Variants in BASP1 observed in about 807,000 individuals in gnomAD.
BASP1 encodes brain abundant membrane attached signal protein 1.
In BASP1, 1 loss-of-function variant was observed where a neutral mutation model predicts 2.2. That is an observed-to-expected ratio of 0.46 (90% CI 0.16 to 2.17). BASP1 has a LOEUF of 2.17. BASP1 is among the 30% of genes most tolerant of loss of function. The pLI, the probability that BASP1 is intolerant of heterozygous loss-of-function variation, is 0.27. For missense variants in BASP1, 352 were observed against 327.2 expected (o/e 1.08, Z -0.58); for synonymous variants, 187 against 154.2 (o/e 1.21, Z -1.58).
At chr5:17,248,534 G>A (rs10068662) in intron 1 of BASP1, among the ~76,000 whole-genome samples, 1,857 of 152,136 alleles carry the variant, frequency 0.012, 42 homozygotes, top group African/African-American at 0.042. Flanking sequence ...CATGACTCTC[G>A]GGTATGCTGT....
chr5:17,224,622 T>A (rs1739458286), intron 1 of BASP1, among the ~76,000 whole-genome samples: 1 of 152,232 alleles, frequency 6.6e-6, no homozygotes, highest in Non-Finnish European at 1.5e-5. Flanking sequence ...TACGTTAAAT[T>A]GCTTGTAGAT....
At chr5:17,220,386 A>C (rs979407861) in intron 1 of BASP1, among the ~76,000 whole-genome samples, 4 of 152,170 alleles carry the variant, frequency 2.6e-5, no homozygotes, top group Non-Finnish European at 5.9e-5. Flanking sequence ...ATGTTGGAAT[A>C]TAGAACAAAT....
chr5:17,266,814 CAAAAAAAAAAAA>C (rs70943882), intron 1 of BASP1, among the ~76,000 whole-genome samples: 89 of 111,448 alleles, frequency 8.0e-4, no homozygotes, highest in Admixed American at 1.8e-3. Context: ...GATCCTGTCT[CAAAAAAAAAAAA>C]AAAAAAAAAA....
chr5:17,236,294 A>G lies in BASP1; in HGVS notation c.-10+18484A>G, dbSNP rs917993439. Among the ~76,000 whole-genome samples the G allele has an allele frequency of 6.6e-6, 1 of 151,476 alleles. No homozygotes were observed. Among genetic ancestry groups the G allele is most frequent in the African/African-American group, 2.4e-5 (1 of 41,162 alleles). On this transcript the variant is annotated intron_variant, in intron 1 of 1. Coordinates refer to ENST00000322611, the MANE Select transcript of BASP1 (RefSeq NM_006317.5). This position sits in a 1 kb window ranked among gnomAD's most constrained non-coding sequence, Gnocchi z 4.0. ...TTTCTTTTTTTTGGGATGGAGTTTC[A>G]CTCTTGTTGCCCAGGCTGGAGTGTA...
chr5:17,236,313 G>A lies in BASP1; in HGVS notation c.-10+18503G>A, dbSNP rs909474658. Among the ~76,000 whole-genome samples the A allele has an allele frequency of 6.6e-6, 1 of 152,174 alleles. No individual in the cohort carries two copies. Among genetic ancestry groups the A allele is most frequent in the African/African-American group, 2.4e-5 (1 of 41,442 alleles). ...AGTTTCACTCTTGTTGCCCAGGCTG[G>A]AGTGTAATGGCGTGATCTCGGCTCA... On this transcript the variant is annotated intron_variant, in intron 1 of 1. Transcript: ENST00000322611. The surrounding 1 kb of genome is among the most constrained non-coding windows in gnomAD (Gnocchi z 4.0).
chr5:17,245,832 G>C (rs1385176861), intron 1 of BASP1, among the ~76,000 whole-genome samples: 1 of 152,122 alleles, frequency 6.6e-6, no homozygotes, highest in Non-Finnish European at 1.5e-5. Context: ...AACTCAGGGG[G>C]TAGCAGAAGC....
intron 1 of BASP1, among the ~76,000 whole-genome samples, chr5:17,250,596 T>C (rs1386394743): frequency 6.6e-6 from 1 of 152,130 alleles, no homozygotes; most frequent in East Asian, 1.9e-4. Flanking sequence ...AAGTTTATTT[T>C]TATTTTTATT....
At chr5:17,271,520 G>C (rs1740528305) in intron 1 of BASP1, among the ~76,000 whole-genome samples, 1 of 152,188 alleles carries the variant, frequency 6.6e-6, no homozygotes, top group African/African-American at 2.4e-5. Flanking sequence ...ACTGAGGTCA[G>C]TGCCTTCAGC....
Position 17,276,032 on chromosome 5 carries a change from A to C in BASP1, c.*132A>C. The C allele has an allele frequency of 1.4e-6, 1 of 739,146 alleles. No individual in the cohort carries two copies. The highest frequency in any genetic ancestry group is 1.9e-6 in the Non-Finnish European group (1 of 514,658). 45.8% of individuals were successfully genotyped at this position (739,146 alleles called of 1,614,324 possible). ...TATCTCTCCTCTCTCTCTCTCCTATACTAACTTGTTTCAAATTGGAAGTAA... is the reference window on the plus strand; with the variant it reads ...TATCTCTCCTCTCTCTCTCTCCTATCCTAACTTGTTTCAAATTGGAAGTAA... On this transcript the variant is annotated 3_prime_UTR_variant, in exon 2 of 2. Transcript: ENST00000322611.
chr5:17,217,289 A>G (rs1315991465), upstream of BASP1, among the ~76,000 whole-genome samples: 1 of 54,836 alleles, frequency 1.8e-5, no homozygotes, highest in Non-Finnish European at 3.3e-5. Context: ...GGCGGATAGG[A>G]GAGAAATGGG....
In BASP1 at chr5:17,239,295, A is replaced by G. The variant is rs555793326; in HGVS notation, c.-10+21485A>G. Reference sequence around the variant, plus strand: ...TTTTCAGTAGAGACGGGGTTTCACCATGTTAGCCAGGATGGTCTCGATCTC... The same window carrying G: ...TTTTCAGTAGAGACGGGGTTTCACCGTGTTAGCCAGGATGGTCTCGATCTC... On this transcript the variant is annotated intron_variant, in intron 1 of 1. Transcript: ENST00000322611. Among the ~76,000 whole-genome samples, 6 of 152,098 alleles carry G rather than the reference A, an allele frequency of 3.9e-5. 1 individual carries two copies. The highest frequency in any genetic ancestry group is 2.1e-4 in the South Asian group (1 of 4,810).
chr5:17,230,779 G>A (rs1165066535), intron 1 of BASP1, among the ~76,000 whole-genome samples: 2 of 152,012 alleles, frequency 1.3e-5, no homozygotes, highest in South Asian at 4.2e-4. Context: ...TGTTGGCCAG[G>A]CTGGTCTCCA....
intron 1 of BASP1, among the ~76,000 whole-genome samples, chr5:17,245,808 A>T (rs887215521): frequency 2.0e-5 from 3 of 152,302 alleles, no homozygotes; most frequent in Middle Eastern, 3.4e-3. Flanking sequence ...GTGAATAAAT[A>T]CATTGCTCAG....
chr5:17,272,945 A>G (rs1740559153), intron 1 of BASP1, among the ~76,000 whole-genome samples: 1 of 152,174 alleles, frequency 6.6e-6, no homozygotes, highest in South Asian at 2.1e-4. Context: ...GTCAGAAAGC[A>G]GCACCCCATG....
upstream of BASP1, among the ~76,000 whole-genome samples, chr5:17,217,361 C>T (rs1350764465): frequency 2.6e-4 from 9 of 35,114 alleles, no homozygotes; most frequent in Admixed American, 3.1e-4. Flanking sequence ...CAAGGGGAGG[C>T]GGGCGTGTCC....
intron 1 of BASP1, among the ~76,000 whole-genome samples, chr5:17,224,685 T>C (rs572497626): frequency 1.3e-5 from 2 of 152,316 alleles, no homozygotes; most frequent in South Asian, 4.1e-4. Flanking sequence ...AGTCATTCCT[T>C]TCTAGTATGA....
At chr5:17,231,099 C>T (rs1739626584) in intron 1 of BASP1, among the ~76,000 whole-genome samples, 1 of 152,094 alleles carries the variant, frequency 6.6e-6, no homozygotes, top group South Asian at 2.1e-4. Flanking sequence ...TTTATAACAA[C>T]TTTCACTGAA....
intron 1 of BASP1, among the ~76,000 whole-genome samples, chr5:17,264,388 A>G (rs1740375794): frequency 6.6e-6 from 1 of 152,104 alleles, no homozygotes; most frequent in African/African-American, 2.4e-5. Flanking sequence ...TTGGTGATGG[A>G]TTTGCTTGTA....
intron 1 of BASP1, among the ~76,000 whole-genome samples, chr5:17,224,492 G>T (rs1038783010): frequency 2.0e-5 from 3 of 151,966 alleles, no homozygotes; most frequent in Admixed American, 1.3e-4. Flanking sequence ...GAATAAAATG[G>T]GTAGCCTTTT....
Sources: gnomAD v4.1 joint callset for allele counts (sites outside exome capture counted in the v4.1 genomes callset) on GRCh38, gnomAD v4.1.1 for gene constraint, Gnocchi (gnomAD v3.1) non-coding constraint, MANE v1.5 for transcripts, NCBI Gene and HGNC (gene_info 2026-07-23, HGNC 2026-07-21) for gene names.